TMEM140: variants seen among roughly 807,000 people sequenced by gnomAD.
The protein encoded by TMEM140 is transmembrane protein 140.
For missense variants in TMEM140, 236 were observed against 228.5 expected (o/e 1.03, Z -0.21); for synonymous variants, 107 against 106.8 (o/e 1.00, Z -0.01).
rs914808725 is a variant in TMEM140 at position 135,164,779 on chromosome 7, G to A, written c.338G>A (p.Trp113Ter). The A allele has an allele frequency of 1.9e-6, 3 of 1,614,222 alleles. No individual in the cohort carries two copies. The South Asian group carries it at 3.3e-5, about 18-fold the overall frequency. ...CAGTGCAACAGTGATGAGAGAGCGT[G>A]GCGGCTGGCAGTGGGCTTCCTGGCT... is the stretch of plus-strand genomic sequence containing the variant. ...LAQCNSDERA[W>*]RLAVGFLAVS... Residue 113 changes from tryptophan to a stop codon, truncating the protein, a stop_gained, in exon 2 of 2, where the codon TGG (tryptophan) becomes TAG (stop). Transcript: ENST00000275767. LOFTEE classifies it low-confidence loss of function (END_TRUNC).
At chr7:135,155,710 G>A (rs1321463587) in intron 1 of TMEM140, among the ~76,000 whole-genome samples, 1 of 152,140 alleles carries the variant, frequency 6.6e-6, no homozygotes, top group Non-Finnish European at 1.5e-5. Context: ...AATTAACCGG[G>A]CATGGTGGCA....
Position 135,148,164 on chromosome 7 carries a change from G to T in TMEM140, c.-131G>T, listed in dbSNP as rs947277148. On this transcript the variant is annotated 5_prime_UTR_variant, in exon 1 of 2. Transcript: ENST00000275767. ...CATTTCCCTTCCACTCCTCCTTTCTGGAGTCTGACATTAGAAAGCCAGCGA... is the reference window on the plus strand; with the variant it reads ...CATTTCCCTTCCACTCCTCCTTTCTTGAGTCTGACATTAGAAAGCCAGCGA... 1.4e-5 allele frequency: 6 copies of T among 437,646 alleles called. No homozygotes were observed. The highest frequency in any genetic ancestry group is 1.2e-4 in the African/African-American group (6 of 48,584). The allele number at this position is 437,646 out of a possible 1,614,324, so 27.1% of individuals were successfully genotyped here.
intron 1 of TMEM140, among the ~76,000 whole-genome samples, chr7:135,150,560 C>T (rs1483486803): frequency 6.6e-6 from 1 of 152,104 alleles, no homozygotes; most frequent in Non-Finnish European, 1.5e-5. Flanking sequence ...AAGTGGGTGG[C>T]AAATTGCCTT....
rs1829943318 is a variant in TMEM140 at position 135,161,691 on chromosome 7, T to C, written c.-24-2727T>C. On this transcript the variant is annotated intron_variant, in intron 1 of 1. Coordinates refer to ENST00000275767, the MANE Select transcript of TMEM140 (RefSeq NM_018295.5). The surrounding 1 kb of genome is among the most constrained non-coding windows in gnomAD (Gnocchi z 4.1). ...ACCTTTTCAATTCCCAATAATTCCT[T>C]CCGTAACAAGCATCATTGCTCCAAG... is the stretch of plus-strand genomic sequence containing the variant. Among the ~76,000 whole-genome samples, 1 of 152,172 alleles carries C rather than the reference T, an allele frequency of 6.6e-6. No individual in the cohort carries two copies. Among genetic ancestry groups the C allele is most frequent in the African/African-American group, 2.4e-5 (1 of 41,456 alleles).
At chr7:135,158,095 A>C (rs1264185588) in intron 1 of TMEM140, among the ~76,000 whole-genome samples, 1 of 152,038 alleles carries the variant, frequency 6.6e-6, no homozygotes, top group Admixed American at 6.5e-5. Flanking sequence ...CAGCCACATC[A>C]AGTTGAACTC....
rs1338782898 is a variant in TMEM140, at chr7:135,165,170, G to A, written c.*171G>A. 3 of 685,212 alleles carry A rather than the reference G, an allele frequency of 4.4e-6. No individual in the cohort carries two copies. The highest frequency in any genetic ancestry group is 2.4e-6 in the Non-Finnish European group (1 of 414,832). The allele number at this position is 685,212 out of a possible 1,614,324, so 42.4% of individuals were successfully genotyped here. ...GCCGAGGGGCAGCAAGGGCAGCCAGGGCACCTGTGACTTCTTAGTACAAGA... is the reference window on the plus strand; with the variant it reads ...GCCGAGGGGCAGCAAGGGCAGCCAGAGCACCTGTGACTTCTTAGTACAAGA... On this transcript the variant is annotated 3_prime_UTR_variant, in exon 2 of 2. Transcript: ENST00000275767.
intron 1 of TMEM140, among the ~76,000 whole-genome samples, chr7:135,155,904 C>T (rs971242469): frequency 2.0e-5 from 3 of 152,214 alleles, no homozygotes; most frequent in African/African-American, 7.2e-5. Flanking sequence ...TCCTTTTGAG[C>T]ATTTCCTGTA....
intron 1 of TMEM140, among the ~76,000 whole-genome samples, chr7:135,152,358 AC>A (rs1829684775): frequency 6.6e-6 from 1 of 152,240 alleles, no homozygotes; most frequent in Admixed American, 6.5e-5. Flanking sequence ...GAGTTAATGC[AC>A]GTAAAGGGCC....
At chr7:135,149,747 T>C (rs11543821) in intron 1 of TMEM140, among the ~76,000 whole-genome samples, 39,467 of 152,144 alleles carry the variant, frequency 0.26, 5,751 homozygotes, top group East Asian at 0.58. Flanking sequence ...TATCTTTAAT[T>C]ACATTAGAAA....
chr7:135,160,713 G>A (rs1829910330), intron 1 of TMEM140, among the ~76,000 whole-genome samples: 1 of 148,594 alleles, frequency 6.7e-6, no homozygotes, highest in African/African-American at 2.5e-5. Flanking sequence ...GGGAGCCTAT[G>A]TAGCATTTTC....
intron 1 of TMEM140, among the ~76,000 whole-genome samples, chr7:135,156,034 T>G (rs923012068): frequency 2.5e-5 from 1 of 40,712 alleles, no homozygotes; most frequent in Non-Finnish European, 6.4e-5. Flanking sequence ...GACACACTGT[T>G]TTTTTTTTTC....
intron 1 of TMEM140, among the ~76,000 whole-genome samples, chr7:135,163,307 G>A (rs185104019): frequency 6.6e-6 from 1 of 152,320 alleles, no homozygotes; most frequent in East Asian, 1.9e-4. Flanking sequence ...GGTTTTATGT[G>A]TATGATGGGA....
chr7:135,150,605 C>G (rs1429615430), intron 1 of TMEM140, among the ~76,000 whole-genome samples: 1 of 152,190 alleles, frequency 6.6e-6, no homozygotes, highest in East Asian at 1.9e-4. Context: ...TGCGGGAAAA[C>G]TAACCATTGA....
intron 1 of TMEM140, among the ~76,000 whole-genome samples, chr7:135,154,841 G>A (rs1829749814): frequency 6.6e-6 from 1 of 152,172 alleles, no homozygotes; most frequent in African/African-American, 2.4e-5. Context: ...TGGGTAGAAT[G>A]TTTTATAAGT....
chr7:135,159,998 A>C (rs920266237), intron 1 of TMEM140, among the ~76,000 whole-genome samples: 4 of 152,248 alleles, frequency 2.6e-5, no homozygotes, highest in African/African-American at 9.6e-5. Flanking sequence ...AAATAATGTT[A>C]CAAAGCATCT....
In TMEM140 at chr7:135,151,606, T is replaced by C. The variant is rs1829668371; in HGVS notation, c.-25+3336T>C. Among the ~76,000 whole-genome samples, 1 of 152,218 alleles carries C rather than the reference T, an allele frequency of 6.6e-6. No homozygotes were observed. Among genetic ancestry groups the C allele is most frequent in the African/African-American group, 2.4e-5 (1 of 41,458 alleles). On this transcript the variant is annotated intron_variant, in intron 1 of 1. Transcript: ENST00000275767. The surrounding 1 kb of genome is among the most constrained non-coding windows in gnomAD (Gnocchi z 4.3). ...AATTCCCGTTTCTCCCACTGAGCTA[T>C]TGCTTCAGCATCATGACCAGAGCAG...
rs1830071642 is a variant in TMEM140 at position 135,165,446 on chromosome 7, G to A, written c.*447G>A. 4 of 176,204 alleles carry A rather than the reference G, an allele frequency of 2.3e-5. No individual in the cohort carries two copies. The Admixed American group carries it at 2.3e-4, about 10-fold the overall frequency. The allele number at this position is 176,204 out of a possible 1,614,324, so 10.9% of individuals were successfully genotyped here. A position where few individuals can be genotyped will look rare whatever the true frequency, so the allele number is the denominator to read the frequency against. On this transcript the variant is annotated 3_prime_UTR_variant, in exon 2 of 2. Transcript: ENST00000275767. ...AAAGAGCGAGCACCTCAGTGTCTCTGGGGACATGGTTAAGGAGCTTCCACT... is the reference window on the plus strand; with the variant it reads ...AAAGAGCGAGCACCTCAGTGTCTCTAGGGACATGGTTAAGGAGCTTCCACT...
At chr7:135,154,701 G>A (rs1829745756) in intron 1 of TMEM140, among the ~76,000 whole-genome samples, 1 of 152,072 alleles carries the variant, frequency 6.6e-6, no homozygotes, top group Non-Finnish European at 1.5e-5. Context: ...TTCCACTGTG[G>A]TCTGAGAAGA....
rs1830054967 is a variant in TMEM140, at chr7:135,164,964, G to A, written c.523G>A (p.Ala175Thr). 1 of 1,604,224 alleles carries A rather than the reference G, an allele frequency of 6.2e-7. No homozygotes were observed. The highest frequency in any genetic ancestry group is 8.5e-7 in the Non-Finnish European group (1 of 1,173,334). The stretch of plus-strand genomic sequence containing the variant: ...AGCCATGGCTGTGTTCCCTCTGAGG[G>A]CTGAGAGGGCTGAGAGCAAGCTTGA... ...LIAMAVFPLRAERAESKLESC is the reference protein window; with the variant it reads ...LIAMAVFPLRTERAESKLESC The change falls in exon 2 of 2, where the codon GCT (alanine) becomes ACT (threonine). Residue 175 changes from alanine (A) to threonine (T), a missense_variant. Ala to Thr is a moderately conservative substitution (Grantham distance 58). Transcript: ENST00000275767.
Sources: allele counts gnomAD v4.1 joint callset (sites outside exome capture counted in the v4.1 genomes callset), GRCh38; gene constraint gnomAD v4.1.1; non-coding constraint Gnocchi (gnomAD v3.1); transcripts MANE v1.5; gene names NCBI Gene and HGNC (gene_info 2026-07-23, HGNC 2026-07-21).